Variants in CACNB1 observed in about 807,000 individuals in gnomAD.
CACNB1 encodes the protein calcium voltage-gated channel auxiliary subunit beta 1, also known as voltage-dependent L-type calcium channel subunit beta-1.
CACNB1 carries 29 observed loss-of-function variants against 71.6 expected under a neutral mutation model. That is an observed-to-expected ratio of 0.40 (90% CI 0.30 to 0.55). The LOEUF is 0.55. Among genes scored for constraint, CACNB1 ranks in the 20% least tolerant of loss-of-function variants. The probability of loss-of-function intolerance (pLI) is 0.38; values close to 1 mark genes in which losing one functional copy is unlikely to be tolerated. For missense variants in CACNB1, 623 were observed against 801.8 expected (o/e 0.78, Z 2.69); for synonymous variants, 300 against 319.6 (o/e 0.94, Z 0.65).
chr17:39,193,956 G>T, intron 2 of CACNB1: 1 of 153,114 alleles, frequency 6.5e-6, no homozygotes. Context: ...ACGGAAAGAA[G>T]GGCCTCACTC....
chr17:39,181,066 C>T (rs547741030), intron 11 of CACNB1, among the ~76,000 whole-genome samples: 3 of 152,006 alleles, frequency 2.0e-5, no homozygotes, highest in Non-Finnish European at 4.4e-5. Context: ...AGATATAGTT[C>T]TGGGATACCA....
At position 39,186,121 on chromosome 17, in the gene CACNB1, GGAGA is replaced by G; in HGVS notation, c.628+371_628+374del. ...TTTCATTACCTGGACCGGAGAGTCA[GGAGA>G]GAGGGAGGAGGGAGGCGAGGTGGGG... On this transcript the variant is annotated intron_variant, in intron 6 of 13. Coordinates refer to ENST00000394303, the MANE Select transcript of CACNB1 (RefSeq NM_000723.5). The surrounding 1 kb of genome is among the most constrained non-coding windows in gnomAD (Gnocchi z 4.1). 16 of 1,612,118 alleles carry G rather than the reference GGAGA, an allele frequency of 9.9e-6. No individual in the cohort carries two copies. The highest frequency in any genetic ancestry group is 1.3e-5 in the Non-Finnish European group (15 of 1,178,614).
chr17:39,178,700 A>T (rs1268361329), intron 11 of CACNB1, among the ~76,000 whole-genome samples: 1 of 151,912 alleles, frequency 6.6e-6, no homozygotes. Context: ...CTATATTAAC[A>T]ACGGCAACAA....
intron 11 of CACNB1, 31 bp from the exon 12 acceptor site, chr17:39,178,110 G>T (rs72556378): frequency 1.3e-6 from 2 of 1,544,748 alleles, no homozygotes; most frequent in East Asian, 2.2e-5. Flanking sequence ...AGGAAGAGGA[G>T]CTAGAGGGAC....
chr17:39,189,074 A>G (rs2046010248), intron 3 of CACNB1, among the ~76,000 whole-genome samples: 1 of 151,848 alleles, frequency 6.6e-6, no homozygotes, highest in South Asian at 2.1e-4. Flanking sequence ...TAATTAAATA[A>G]TAGTTATAGG....
Position 39,186,982 on chromosome 17 carries a change from C to A in CACNB1, c.415-53G>T. The A allele has an allele frequency of 6.3e-7, 1 of 1,593,934 alleles. No homozygotes were observed. The highest frequency in any genetic ancestry group is 8.6e-7 in the Non-Finnish European group (1 of 1,163,698). ...AAGAGCAAGAGGGAAACTGCAGGGG[C>A]AAGCTAGCAGTCACTCTCTAGGGGA... On this transcript the variant is annotated intron_variant, in intron 4 of 13. Transcript: ENST00000394303. The surrounding 1 kb of genome is among the most constrained non-coding windows in gnomAD (Gnocchi z 4.1).
chr17:39,178,975 G>T (rs1402793989), intron 11 of CACNB1, among the ~76,000 whole-genome samples: 2 of 152,136 alleles, frequency 1.3e-5, no homozygotes, highest in African/African-American at 4.8e-5. Context: ...ATTCAAGAAA[G>T]GCTGAGGAAG....
chr17:39,192,530 T>TG (rs969612928), intron 2 of CACNB1: 44 of 152,322 alleles, frequency 2.9e-4, no homozygotes, highest in Non-Finnish European at 4.7e-4. Flanking sequence ...GTGAGTGTAC[T>TG]GGGGGGGAGC....
intron 8 of CACNB1, among the ~76,000 whole-genome samples, 175 bp from the exon 9 acceptor site, chr17:39,184,558 T>TCC (rs78684499): frequency 0.02 from 3,104 of 152,004 alleles, 44 homozygotes; most frequent in South Asian, 0.035. Flanking sequence ...GGTTCCAAGG[T>TCC]CCCTGTAAGT....
At chr17:39,177,602 G>T in intron 12 of CACNB1, 67 bp from the exon 13 acceptor site, 1 of 1,326,548 alleles carries the variant, frequency 7.5e-7, no homozygotes, top group South Asian at 1.3e-5. Context: ...TTGAGGGTGT[G>T]GCCTGGGTGC....
intron 1 of CACNB1, among the ~76,000 whole-genome samples, chr17:39,196,392 C>A (rs558550574): frequency 1.3e-5 from 2 of 152,158 alleles, no homozygotes; most frequent in African/African-American, 4.8e-5. Context: ...CAGGGGACAG[C>A]TGAAAGGAAG....
Position 39,184,390 on chromosome 17 carries a change from G to A in CACNB1, c.730-7C>T. 1 of 1,395,116 alleles carries A rather than the reference G, an allele frequency of 7.2e-7. No individual in the cohort carries two copies. 86.4% of individuals were successfully genotyped at this position (1,395,116 alleles called of 1,614,324 possible). A position where few individuals can be genotyped will look rare whatever the true frequency, so the allele number is the denominator to read the frequency against. ...TCTGCATCATGTCTGTAACCTGGGG[G>A]TGGGGGTTTGTGGGGAGGGAGGGAG... is the stretch of plus-strand genomic sequence containing the variant. On this transcript the variant is annotated splice_polypyrimidine_tract_variant and splice_region_variant and intron_variant, in intron 8 of 13. Coordinates refer to ENST00000394303, the MANE Select transcript of CACNB1 (RefSeq NM_000723.5).
intron 1 of CACNB1, chr17:39,195,215 G>A (rs991778964): frequency 1.0e-4 from 43 of 412,872 alleles, no homozygotes; most frequent in East Asian, 3.6e-4. Flanking sequence ...AGACCCACAC[G>A]GAAACCACCA....
chr17:39,180,100 A>G (rs2045712277), intron 11 of CACNB1, among the ~76,000 whole-genome samples: 1 of 151,862 alleles, frequency 6.6e-6, no homozygotes, highest in African/African-American at 2.4e-5. Flanking sequence ...CCCCGTCTCT[A>G]CTGAAAATAC....
At position 39,175,157 on chromosome 17, in the gene CACNB1, TCA is replaced by T. The variant is rs1491268015; in HGVS notation, c.*34_*35del. 1.3e-6 allele frequency: 2 copies of T among 1,538,954 alleles called. No individual in the cohort carries two copies. Among genetic ancestry groups the T allele is most frequent in the South Asian group, 2.4e-5 (2 of 84,312 alleles). On this transcript the variant is annotated 3_prime_UTR_variant, in exon 14 of 14. Transcript: ENST00000394303. The surrounding 1 kb of genome is among the most constrained non-coding windows in gnomAD (Gnocchi z 4.7). Reference sequence around the variant, plus strand: ...CCTCGCTCCCTCCCCTCCCCTGGGCTCAGAGCCCTTCCTCCCGCCGTGTGGCC... The same window carrying T: ...CCTCGCTCCCTCCCCTCCCCTGGGCTGAGCCCTTCCTCCCGCCGTGTGGCC...
Position 39,187,438 on chromosome 17 carries a change from C to T in CACNB1, c.414+41G>A, listed in dbSNP as rs776698812. On this transcript the variant is annotated intron_variant, in intron 4 of 13. Transcript: ENST00000394303. Reference sequence around the variant, plus strand: ...GTCCACTAGCACTCTGGCTGCCTGTCTCCTGGCACCCACTTCCCTGCCCTC... The same window carrying T: ...GTCCACTAGCACTCTGGCTGCCTGTTTCCTGGCACCCACTTCCCTGCCCTC... 3.1e-6 allele frequency: 5 copies of T among 1,611,188 alleles called. No individual in the cohort carries two copies. The South Asian group carries it at 5.5e-5, about 18-fold the overall frequency.
At chr17:39,182,493 G>A (rs1051060203) in intron 11 of CACNB1, among the ~76,000 whole-genome samples, 16 of 152,048 alleles carry the variant, frequency 1.1e-4, no homozygotes, top group African/African-American at 1.9e-4. Context: ...GAGGTCAGGA[G>A]ATCGAGACCA....
intron 4 of CACNB1, 27 bp downstream of exon 4, chr17:39,187,452 T>C: frequency 6.2e-7 from 1 of 1,612,624 alleles, no homozygotes; most frequent in Non-Finnish European, 8.5e-7. Flanking sequence ...TGGCACCCAC[T>C]TCCCTGCCCT....
At position 39,191,565 on chromosome 17, in the gene CACNB1, G is replaced by A; in HGVS notation, c.200C>T (p.Pro67Leu). 6.2e-7 allele frequency: 1 copy of A among 1,610,544 alleles called. No homozygotes were observed. The highest frequency in any genetic ancestry group is 8.5e-7 in the Non-Finnish European group (1 of 1,178,808). Residue 67 changes from proline (P) to leucine (L), a missense_variant, in exon 3 of 14, where the codon CCA becomes CTA. Coordinates refer to ENST00000394303, the MANE Select transcript of CACNB1 (RefSeq NM_000723.5). ...QGSAESYTSR[P>L]SDSDVSLEED... is the part of the protein sequence containing the mutation. The stretch of plus-strand genomic sequence containing the variant: ...CTCCAGAGATACATCAGAGTCTGAT[G>A]GACGGCTGGTGTAGGACTCCGCTGA...
Sources: gnomAD v4.1 joint callset for allele counts (sites outside exome capture counted in the v4.1 genomes callset) on GRCh38, gnomAD v4.1.1 for gene constraint, Gnocchi (gnomAD v3.1) non-coding constraint, MANE v1.5 for transcripts, NCBI Gene and HGNC (gene_info 2026-07-23, HGNC 2026-07-21) for gene names.